PPM1F: variants seen among roughly 807,000 people sequenced by gnomAD.
PPM1F encodes the protein protein phosphatase, Mg2+/Mn2+ dependent 1F.
In PPM1F, 17 loss-of-function variants were observed where a neutral mutation model predicts 35.5. The ratio of observed to expected loss-of-function variants is 0.48; its 90% confidence interval spans 0.33 to 0.72. The LOEUF (loss-of-function observed/expected upper bound fraction) is 0.72. PPM1F is among the 30% of genes least tolerant of loss of function. PPM1F has a pLI of 0.02. For missense variants in PPM1F, 521 were observed against 613.0 expected (o/e 0.85, Z 1.59); for synonymous variants, 241 against 255.5 (o/e 0.94, Z 0.54).
intron 2 of PPM1F, chr22:21,945,553 G>A (rs2070768195): frequency 2.4e-6 from 1 of 419,682 alleles, no homozygotes; most frequent in Non-Finnish European, 4.3e-6. Context: ...GGCACTAACA[G>A]AAAGGCAGAC....
intron 6 of PPM1F, among the ~76,000 whole-genome samples, chr22:21,929,579 G>A (rs1045418848): frequency 6.6e-6 from 1 of 152,240 alleles, no homozygotes; most frequent in Admixed American, 6.5e-5. Context: ...GCAGCAGGTG[G>A]GAGTGGGCCC....
At chr22:21,931,366 C>T in intron 5 of PPM1F, 75 bp from the exon 6 acceptor site, 1 of 1,417,836 alleles carries the variant, frequency 7.1e-7, no homozygotes, top group South Asian at 1.2e-5. Flanking sequence ...CAGGATGAAG[C>T]TTCCGGGGGT....
intron 4 of PPM1F, 79 bp from the exon 5 acceptor site, chr22:21,933,658 G>A: frequency 7.5e-7 from 1 of 1,327,142 alleles, no homozygotes. Context: ...GGCACTGATG[G>A]GGTAGAGTCT....
At position 21,925,666 on chromosome 22, in the gene PPM1F, C is replaced by G; in HGVS notation, c.892-4G>C. ...CTTCAATGCGCGCCTTCTCATCCTGCAGAAACACAGCCAGAGTTGGGGGCA... is the reference window on the plus strand; with the variant it reads ...CTTCAATGCGCGCCTTCTCATCCTGGAGAAACACAGCCAGAGTTGGGGGCA... On this transcript the variant is annotated splice_polypyrimidine_tract_variant and splice_region_variant and intron_variant, in intron 6 of 7. Transcript: ENST00000263212. 1 of 1,573,266 alleles carries G rather than the reference C, an allele frequency of 6.4e-7. No individual in the cohort carries two copies. Among genetic ancestry groups the G allele is most frequent in the Non-Finnish European group, 8.7e-7 (1 of 1,153,196 alleles).
Position 21,929,416 on chromosome 22 carries a change from T to C in PPM1F, c.891+1732A>G, listed in dbSNP as rs1601780195. On this transcript the variant is annotated intron_variant, in intron 6 of 7. Transcript: ENST00000263212. ...TACCCCAAACCTCCAGGGACCCCTGTGTGATGGACTTGGAAGCGGTGGAGC... is the reference window on the plus strand; with the variant it reads ...TACCCCAAACCTCCAGGGACCCCTGCGTGATGGACTTGGAAGCGGTGGAGC... 3.3e-5 allele frequency among the ~76,000 whole-genome samples: 5 copies of C among 152,252 alleles called. No individual in the cohort carries two copies. In the East Asian group the frequency reaches 9.6e-4, roughly 29 times the overall value.
At chr22:21,933,315 G>A in intron 5 of PPM1F, 76 bp downstream of exon 5, 3 of 1,369,486 alleles carry the variant, frequency 2.2e-6, no homozygotes, top group Non-Finnish European at 3.0e-6. Context: ...AGCCCCTTTG[G>A]CGTTTTTCCC....
At chr22:21,949,325 C>A (rs2070811170) in intron 1 of PPM1F, 1 of 152,224 alleles carries the variant, frequency 6.6e-6, no homozygotes, top group South Asian at 2.1e-4. Flanking sequence ...AGGAGAGAAA[C>A]CAGGACACAG....
chr22:21,927,749 G>A (rs1216637529), intron 6 of PPM1F, among the ~76,000 whole-genome samples: 4 of 152,166 alleles, frequency 2.6e-5, no homozygotes, highest in African/African-American at 7.2e-5. Flanking sequence ...GACAGGCTGC[G>A]CCGGCTCCCC....
At chr22:21,932,627 G>A (rs2070605850) in intron 5 of PPM1F, 1 of 152,132 alleles carries the variant, frequency 6.6e-6, no homozygotes, top group Admixed American at 6.5e-5. Flanking sequence ...CTGTGGGTGA[G>A]GTTCAGAGTG....
intron 3 of PPM1F, chr22:21,938,727 G>T: frequency 2.5e-6 from 1 of 404,182 alleles, no homozygotes; most frequent in Non-Finnish European, 3.4e-6. Context: ...CCCCCTTGTG[G>T]CACCCCTGCT....
At chr22:21,940,941 C>T (rs1314163048) in intron 2 of PPM1F, among the ~76,000 whole-genome samples, 1 of 152,174 alleles carries the variant, frequency 6.6e-6, no homozygotes, top group Admixed American at 6.5e-5. Context: ...CTCTGTCTCC[C>T]AGGCTGGAGC....
intron 2 of PPM1F, chr22:21,941,521 A>T (rs2070725108): frequency 6.6e-6 from 1 of 152,372 alleles, no homozygotes; most frequent in Admixed American, 6.5e-5. Flanking sequence ...TTCCACAGCG[A>T]CTTGTGTTCC....
chr22:21,948,185 T>C (rs1310751448), intron 1 of PPM1F: 3 of 150,862 alleles, frequency 2.0e-5, no homozygotes, highest in Non-Finnish European at 4.4e-5. Flanking sequence ...ATAAAGAACA[T>C]AAAACAACTG....
chr22:21,929,231 A>G (rs540369883), intron 6 of PPM1F, among the ~76,000 whole-genome samples: 74 of 152,288 alleles, frequency 4.9e-4, no homozygotes, highest in African/African-American at 1.8e-3. Context: ...AGGAGGGGCC[A>G]AGCCTACAGA....
chr22:21,931,629 C>T (rs2070591868), intron 5 of PPM1F, among the ~76,000 whole-genome samples: 1 of 152,098 alleles, frequency 6.6e-6, no homozygotes, highest in Non-Finnish European at 1.5e-5. Context: ...TCTCCTGCCT[C>T]AGCCTCCCAA....
chr22:21,935,366 G>A (rs2070647260), intron 3 of PPM1F: 1 of 152,222 alleles, frequency 6.6e-6, no homozygotes, highest in Non-Finnish European at 1.5e-5. Context: ...GGGGGTATAA[G>A]GGTGGCCTTA....
chr22:21,931,535 CAG>C (rs1183094054), intron 5 of PPM1F, among the ~76,000 whole-genome samples: 5 of 149,986 alleles, frequency 3.3e-5, no homozygotes, highest in Non-Finnish European at 7.4e-5. Context: ...TATTTAGAGA[CAG>C]AGTCTTGCTC....
chr22:21,932,109 C>T lies in PPM1F; in HGVS notation c.748-818G>A, dbSNP rs113273865. Among the ~76,000 whole-genome samples, 127 of 151,944 alleles carry T rather than the reference C, an allele frequency of 8.4e-4. 1 individual carries two copies. Among genetic ancestry groups the T allele is most frequent in the African/African-American group, 2.7e-3 (113 of 41,422 alleles). On this transcript the variant is annotated intron_variant, in intron 5 of 7. Transcript: ENST00000263212. Reference sequence around the variant, plus strand: ...CTGGGATTACAGGCATGAGCCACCGCGCCTGGCCAATTTTTGTATTTTTAG... The same window carrying T: ...CTGGGATTACAGGCATGAGCCACCGTGCCTGGCCAATTTTTGTATTTTTAG...
intron 1 of PPM1F, chr22:21,950,271 T>G (rs923708001): frequency 1.3e-5 from 2 of 152,196 alleles, no homozygotes; most frequent in Non-Finnish European, 2.9e-5. Flanking sequence ...CCTTCCATTT[T>G]GCCTCCCGAG....
Sources: allele counts gnomAD v4.1 joint callset (sites outside exome capture counted in the v4.1 genomes callset), GRCh38; gene constraint gnomAD v4.1.1; transcripts MANE v1.5; gene names NCBI Gene and HGNC (gene_info 2026-07-23, HGNC 2026-07-21).